SHISA9: variants seen among roughly 807,000 people sequenced by gnomAD.
SHISA9 encodes the protein shisa family member 9.
Under a neutral mutation model 38.0 loss-of-function variants are expected in SHISA9, and 13 were observed. That is an observed-to-expected ratio of 0.34 (90% CI 0.22 to 0.54). The LOEUF is 0.54. SHISA9 is among the 20% of genes least tolerant of loss of function. SHISA9 has a pLI of 0.91. For synonymous variants in SHISA9, 275 were observed against 242.0 expected, an observed-to-expected ratio of 1.14 and a Z score of -1.27; for missense variants, 538 against 575.8, an observed-to-expected ratio of 0.93 and a Z score of 0.67.
intron 2 of SHISA9, among the ~76,000 whole-genome samples, chr16:13,115,104 A>G (rs937858072): frequency 2.0e-5 from 3 of 152,068 alleles, no homozygotes; most frequent in African/African-American, 7.2e-5. Flanking sequence ...CCTATTTTAT[A>G]TATGTCCTAT....
intron 3 of SHISA9, among the ~76,000 whole-genome samples, chr16:13,206,811 A>G (rs1298476939): frequency 6.6e-6 from 1 of 152,156 alleles, no homozygotes; most frequent in African/African-American, 2.4e-5. Flanking sequence ...CTTCTATTCC[A>G]TATTGCCTGT....
At chr16:13,147,841 C>T (rs890664400) in intron 2 of SHISA9, among the ~76,000 whole-genome samples, 2 of 152,140 alleles carry the variant, frequency 1.3e-5, no homozygotes, top group Admixed American at 1.3e-4. Context: ...CATTTTTGGA[C>T]ACCTCCACCG....
chr16:13,441,054 G>A, the SHISA9 span, among the ~76,000 whole-genome samples: 1 of 152,160 alleles, frequency 6.6e-6, no homozygotes, highest in Non-Finnish European at 1.5e-5. Context: ...GAGTGGAGAG[G>A]ACAGAGATAG....
At chr16:13,077,861 A>G (rs1159155490) in intron 2 of SHISA9, among the ~76,000 whole-genome samples, 1 of 152,250 alleles carries the variant, frequency 6.6e-6, no homozygotes, top group African/African-American at 2.4e-5. Flanking sequence ...TCCAATTTAC[A>G]CAAAAGAACA....
chr16:13,170,338 G>T (rs762028871), intron 2 of SHISA9, among the ~76,000 whole-genome samples: 1 of 152,202 alleles, frequency 6.6e-6, no homozygotes, highest in Non-Finnish European at 1.5e-5. Flanking sequence ...ATGGTGAATG[G>T]AGTAGACAAG....
chr16:13,101,932 G>A (rs2073882830), intron 2 of SHISA9, among the ~76,000 whole-genome samples: 1 of 152,222 alleles, frequency 6.6e-6, no homozygotes, highest in Admixed American at 6.5e-5. Context: ...AGCTTCTCTT[G>A]ATGCAAAGCA....
chr16:13,371,544 A>G, the SHISA9 span, among the ~76,000 whole-genome samples: 1 of 152,216 alleles, frequency 6.6e-6, no homozygotes, highest in Admixed American at 6.5e-5. Context: ...GCTATAGTAC[A>G]GTACCTCTTG....
chr16:12,935,730 C>T (rs1195290020), intron 2 of SHISA9, among the ~76,000 whole-genome samples: 2 of 151,802 alleles, frequency 1.3e-5, no homozygotes, highest in Non-Finnish European at 2.9e-5. Flanking sequence ...TGCCTGTGGT[C>T]CCAGCTACTT....
intron 2 of SHISA9, among the ~76,000 whole-genome samples, chr16:13,032,699 C>T (rs749579882): frequency 2.0e-5 from 3 of 152,126 alleles, no homozygotes; most frequent in Non-Finnish European, 4.4e-5. Flanking sequence ...ATTACACTTT[C>T]TATTATATCT....
the SHISA9 span, among the ~76,000 whole-genome samples, chr16:13,390,478 C>G: frequency 3.3e-5 from 5 of 152,320 alleles, no homozygotes; most frequent in African/African-American, 1.2e-4. Flanking sequence ...CTTTGTCTCT[C>G]TGCTTTTTGC....
chr16:12,906,868 C>G (rs1077969), intron 1 of SHISA9, among the ~76,000 whole-genome samples: 175 of 152,234 alleles, frequency 1.1e-3, no homozygotes, highest in Non-Finnish European at 2.1e-3. Flanking sequence ...AGCACACACT[C>G]CACACCCCAG....
the SHISA9 span, among the ~76,000 whole-genome samples, chr16:13,542,275 T>C: frequency 6.6e-6 from 1 of 152,174 alleles, no homozygotes. Context: ...ACTGAATTTG[T>C]GGTCATTTAT....
the SHISA9 span, among the ~76,000 whole-genome samples, chr16:13,273,192 T>C: frequency 0.62 from 93,673 of 151,890 alleles, 29,009 homozygotes; most frequent in Admixed American, 0.67. Context: ...GCATTCCCCT[T>C]ACACCAATGC....
At chr16:13,529,254 ACC>A in the SHISA9 span, among the ~76,000 whole-genome samples, 3 of 152,174 alleles carry the variant, frequency 2.0e-5, no homozygotes, top group Non-Finnish European at 4.4e-5. Context: ...TAACTCACAC[ACC>A]CCAAAAGGTC....
At chr16:13,396,962 CT>C in the SHISA9 span, among the ~76,000 whole-genome samples, 1 of 152,140 alleles carries the variant, frequency 6.6e-6, no homozygotes, top group African/African-American at 2.4e-5. Context: ...CCTGCCACCC[CT>C]GAGACAGTGA....
chr16:13,553,559 T>C, the SHISA9 span, among the ~76,000 whole-genome samples: 16 of 151,984 alleles, frequency 1.1e-4, no homozygotes, highest in African/African-American at 3.9e-4. Context: ...ACCACTACCA[T>C]AGCAGAGAGA....
the SHISA9 span, among the ~76,000 whole-genome samples, chr16:13,302,261 G>A: frequency 6.6e-6 from 1 of 152,286 alleles, no homozygotes. Context: ...CTCATTTTTA[G>A]ATAGTAAAGA....
intron 2 of SHISA9, among the ~76,000 whole-genome samples, chr16:13,025,357 C>G (rs1044025156): frequency 2.0e-5 from 3 of 152,192 alleles, no homozygotes; most frequent in Admixed American, 1.3e-4. Context: ...GGGTGTGAGG[C>G]CTGGCAATCT....
At chr16:13,515,664 C>G in the SHISA9 span, among the ~76,000 whole-genome samples, 1 of 152,076 alleles carries the variant, frequency 6.6e-6, no homozygotes, top group East Asian at 1.9e-4. Flanking sequence ...AGATAGGAAG[C>G]CTTGTCTTAT....
Sources: allele counts gnomAD v4.1 joint callset (sites outside exome capture counted in the v4.1 genomes callset), GRCh38; gene constraint gnomAD v4.1.1; transcripts MANE v1.5; gene names NCBI Gene and HGNC (gene_info 2026-07-23, HGNC 2026-07-21).